Variants in KCNH5 observed in about 807,000 individuals in gnomAD.
KCNH5 encodes the protein voltage-gated delayed rectifier potassium channel KCNH5.
Under a neutral mutation model 96.1 loss-of-function variants are expected in KCNH5, and 46 were observed. That is an observed-to-expected ratio of 0.48 (90% CI 0.38 to 0.61). The LOEUF is 0.61. Among genes scored for constraint, KCNH5 ranks in the 20% least tolerant of loss-of-function variants. The probability of loss-of-function intolerance (pLI) is 0.00; values close to 1 mark genes in which losing one functional copy is unlikely to be tolerated. For synonymous variants in KCNH5, 439 were observed against 449.8 expected, an observed-to-expected ratio of 0.98 and a Z score of 0.30; for missense variants, 907 against 1,225.8, an observed-to-expected ratio of 0.74 and a Z score of 3.88.
chr14:62,951,277 C>A, intron 6 of KCNH5, among the ~76,000 whole-genome samples: 1 of 152,262 alleles, frequency 6.6e-6, no homozygotes, highest in Non-Finnish European at 1.5e-5. Flanking sequence ...TGTTGAGAAG[C>A]TTAAAATAAC....
intron 1 of KCNH5, among the ~76,000 whole-genome samples, chr14:63,021,642 T>C (rs1444903307): frequency 6.6e-6 from 1 of 152,084 alleles, no homozygotes; most frequent in Middle Eastern, 3.2e-3. Context: ...CTCCATCTCC[T>C]CAGCTCCTGT....
chr14:62,951,560 T>C (rs965005258), intron 6 of KCNH5, among the ~76,000 whole-genome samples: 1 of 152,214 alleles, frequency 6.6e-6, no homozygotes, highest in African/African-American at 2.4e-5. Context: ...TAATATAACT[T>C]ACTCTGACAT....
intron 3 of KCNH5, among the ~76,000 whole-genome samples, chr14:63,005,817 C>A (rs1891114378): frequency 6.6e-6 from 1 of 152,096 alleles, no homozygotes. Context: ...AGAAAGGTCA[C>A]AACAATCAAC....
chr14:62,936,980 C>CAAA lies in KCNH5; in HGVS notation c.1369+13150_1369+13152dup, dbSNP rs5809179. Among the ~76,000 whole-genome samples, 244 of 61,598 alleles carry CAAA rather than the reference C, an allele frequency of 4.0e-3. 4 individuals are homozygous for CAAA. The highest frequency in any genetic ancestry group is 7.3e-3 in the African/African-American group (121 of 16,496). 40.4% of individuals were successfully genotyped at this position (61,598 alleles called of 152,430 possible). A position where few individuals can be genotyped will look rare whatever the true frequency, so the allele number is the denominator to read the frequency against. ...TGGGCAACAGAGTGAGACTCCATCT[C>CAAA]AAAAAAAAAAAAAAAAAAAAAGATG... On this transcript the variant is annotated intron_variant, in intron 7 of 10. Transcript: ENST00000322893.
intron 6 of KCNH5, among the ~76,000 whole-genome samples, chr14:62,977,998 A>C (rs1364235615): frequency 6.6e-6 from 1 of 152,158 alleles, no homozygotes; most frequent in African/African-American, 2.4e-5. Flanking sequence ...TAGTATTCCC[A>C]CCATACTCAG....
At chr14:62,958,685 A>G (rs1890151128) in intron 6 of KCNH5, among the ~76,000 whole-genome samples, 1 of 152,164 alleles carries the variant, frequency 6.6e-6, no homozygotes, top group Non-Finnish European at 1.5e-5. Context: ...ATTGCTTAGC[A>G]TCACTGTCTC....
At chr14:62,998,748 G>A (rs2139588200) in intron 4 of KCNH5, among the ~76,000 whole-genome samples, 1 of 152,140 alleles carries the variant, frequency 6.6e-6, no homozygotes, top group Non-Finnish European at 1.5e-5. Flanking sequence ...AATATTTCAG[G>A]ATCTTCCAGA....
In KCNH5 at chr14:62,848,771, C is replaced by CA. The variant is rs74791242; in HGVS notation, c.1569+881dup. Reference sequence around the variant, plus strand: ...AGTCAACCTCACAAGGTTAAAAGAACAAAAAAAAAAATTGTGGGAAATGGC... The same window carrying CA: ...AGTCAACCTCACAAGGTTAAAAGAACAAAAAAAAAAAATTGTGGGAAATGGC... On this transcript the variant is annotated intron_variant, in intron 8 of 10. Coordinates refer to ENST00000322893, the MANE Select transcript of KCNH5 (RefSeq NM_139318.5). 9.0e-4 allele frequency among the ~76,000 whole-genome samples: 131 copies of CA among 146,064 alleles called. 2 individuals are homozygous for CA. The South Asian group carries it at 9.9e-3, about 11-fold the overall frequency.
At chr14:62,986,413 C>T (rs527988236) in intron 5 of KCNH5, among the ~76,000 whole-genome samples, 1 of 152,262 alleles carries the variant, frequency 6.6e-6, no homozygotes, top group Non-Finnish European at 1.5e-5. Context: ...TTCTCCTTCC[C>T]CATATGAGTT....
intron 10 of KCNH5, among the ~76,000 whole-genome samples, chr14:62,732,335 A>C (rs1885067699): frequency 6.6e-6 from 1 of 152,102 alleles, no homozygotes; most frequent in Admixed American, 6.6e-5. Flanking sequence ...GTTTAAAGCC[A>C]ATCATTTTAC....
At chr14:63,001,602 C>T in intron 3 of KCNH5, 143 bp from the exon 4 acceptor site, 2 of 647,070 alleles carry the variant, frequency 3.1e-6, no homozygotes, top group East Asian at 3.1e-5. Flanking sequence ...TTAATTACTA[C>T]AAACAATCCG....
intron 7 of KCNH5, among the ~76,000 whole-genome samples, chr14:62,925,701 T>C (rs1469237995): frequency 6.6e-6 from 1 of 152,098 alleles, no homozygotes; most frequent in Non-Finnish European, 1.5e-5. Context: ...CCCACATGTG[T>C]ATGATCCACA....
At chr14:62,832,635 T>C (rs1166806425) in intron 8 of KCNH5, among the ~76,000 whole-genome samples, 1 of 152,210 alleles carries the variant, frequency 6.6e-6, no homozygotes, top group Non-Finnish European at 1.5e-5. Context: ...GTGGGATTGT[T>C]AGATCATATA....
intron 7 of KCNH5, among the ~76,000 whole-genome samples, chr14:62,942,610 C>A (rs1436276836): frequency 6.6e-6 from 1 of 152,164 alleles, no homozygotes; most frequent in Non-Finnish European, 1.5e-5. Context: ...CATGAAGATT[C>A]AGATTTCTTG....
Position 63,024,213 on chromosome 14 carries a change from A to AAT in KCNH5, c.74-7261_74-7260dup, listed in dbSNP as rs374247511. ...AATAGAGTGAGACTCCATCTCAAAA[A>AAT]ATATATATATATATATCTTGAGACA... is the stretch of plus-strand genomic sequence containing the variant. On this transcript the variant is annotated intron_variant, in intron 1 of 10. Coordinates refer to ENST00000322893, the MANE Select transcript of KCNH5 (RefSeq NM_139318.5). 3.0e-3 allele frequency among the ~76,000 whole-genome samples: 417 copies of AAT among 139,944 alleles called. 5 individuals are homozygous for AAT. The highest frequency in any genetic ancestry group is 9.8e-3 in the African/African-American group (373 of 38,212). The allele number at this position is 139,944 out of a possible 152,430, so 91.8% of individuals were successfully genotyped here.
intron 10 of KCNH5, among the ~76,000 whole-genome samples, chr14:62,765,856 T>A (rs1306372571): frequency 6.6e-6 from 1 of 151,684 alleles, no homozygotes; most frequent in African/African-American, 2.4e-5. Context: ...TCACATCAAG[T>A]CAAAAAGCTT....
At chr14:62,857,844 G>A (rs1261499227) in intron 7 of KCNH5, among the ~76,000 whole-genome samples, 1 of 151,936 alleles carries the variant, frequency 6.6e-6, no homozygotes, top group Non-Finnish European at 1.5e-5. Context: ...TCTAATCAAG[G>A]TGACACTCAT....
chr14:62,940,773 C>T (rs1595693102), intron 7 of KCNH5, among the ~76,000 whole-genome samples: 1 of 152,182 alleles, frequency 6.6e-6, no homozygotes, highest in South Asian at 2.1e-4. Flanking sequence ...TCCTCCTGGG[C>T]TCCCTCAGGC....
intron 8 of KCNH5, among the ~76,000 whole-genome samples, chr14:62,840,562 T>C (rs28661705): frequency 0.051 from 6,623 of 129,598 alleles, 369 homozygotes; most frequent in East Asian, 0.16. Context: ...TTTTTCTTTT[T>C]TTTCTTTTTT....
Sources: gnomAD v4.1 joint callset for allele counts (sites outside exome capture counted in the v4.1 genomes callset) on GRCh38, gnomAD v4.1.1 for gene constraint, MANE v1.5 for transcripts, NCBI Gene and HGNC (gene_info 2026-07-23, HGNC 2026-07-21) for gene names.